The following CCDC34 variants were observed in gnomAD, a reference collection of about 807,000 sequenced individuals.
CCDC34 encodes coiled-coil domain containing 34, also known as coiled-coil domain-containing protein 34.
Under a neutral mutation model 44.1 loss-of-function variants are expected in CCDC34, and 40 were observed. The ratio of observed to expected loss-of-function variants is 0.91; its 90% confidence interval spans 0.70 to 1.18. The LOEUF is 1.18. Ranked by LOEUF, CCDC34 falls within the 50% of genes most tolerant of loss-of-function variation. The pLI is 0.00. For synonymous variants in CCDC34, 159 were observed against 158.2 expected (o/e 1.01, Z -0.04); for missense variants, 466 against 452.3 (o/e 1.03, Z -0.28).
intron 2 of CCDC34, among the ~76,000 whole-genome samples, chr11:27,353,490 A>C (rs1468091023): frequency 1.3e-5 from 2 of 152,062 alleles, no homozygotes; most frequent in Admixed American, 1.3e-4. Context: ...AGTAAATAAA[A>C]ATTAAATGAC....
At position 27,363,176 on chromosome 11, in the gene CCDC34, A is replaced by AG. The variant is rs760892582; in HGVS notation, c.18dup (p.Trp7LeufsTer15). On this transcript the variant is annotated frameshift_variant, in exon 1 of 6. Coordinates refer to ENST00000328697, the MANE Select transcript of CCDC34 (RefSeq NM_030771.2). LOFTEE classifies it high-confidence loss of function. ...TAGGAAGAGGGAAAAGTAGGCCCCC[A>AG]GCGCCCCGCCGCCCACATCTGGCCC... is the stretch of plus-strand genomic sequence containing the variant. 3 of 1,488,738 alleles carry AG rather than the reference A, an allele frequency of 2.0e-6. No individual in the cohort carries two copies. The highest frequency in any genetic ancestry group is 2.7e-6 in the Non-Finnish European group (3 of 1,125,748). 92.2% of individuals were successfully genotyped at this position (1,488,738 alleles called of 1,614,324 possible). A position where few individuals can be genotyped will look rare whatever the true frequency, so the allele number is the denominator to read the frequency against.
chr11:27,352,714 A>T (rs1028930991), intron 2 of CCDC34, among the ~76,000 whole-genome samples: 2 of 152,206 alleles, frequency 1.3e-5, no homozygotes, highest in African/African-American at 2.4e-5. Flanking sequence ...AAACTAAAAA[A>T]TCAGAAAAAA....
intron 1 of CCDC34, among the ~76,000 whole-genome samples, chr11:27,362,448 G>GTAC (rs1472455084): frequency 3.3e-5 from 5 of 152,164 alleles, no homozygotes; most frequent in African/African-American, 4.8e-5. Context: ...CCAACCACAG[G>GTAC]TACTACTAAG....
intron 3 of CCDC34, among the ~76,000 whole-genome samples, chr11:27,343,613 C>G (rs1389935493): frequency 6.6e-6 from 1 of 152,182 alleles, no homozygotes; most frequent in African/African-American, 2.4e-5. Context: ...CTTGCTTAAT[C>G]TCCATGTGAC....
chr11:27,345,486 C>T (rs1382128657), intron 3 of CCDC34, among the ~76,000 whole-genome samples: 2 of 152,106 alleles, frequency 1.3e-5, no homozygotes, highest in Admixed American at 6.5e-5. Flanking sequence ...CTTCCTGTGT[C>T]CATGTGTTCT....
chr11:27,362,772 G>C, intron 1 of CCDC34, 64 bp downstream of exon 1: 2 of 1,535,298 alleles, frequency 1.3e-6, no homozygotes. Flanking sequence ...GTTAGAAGGG[G>C]GTACTTAAGA....
rs780237282 is a variant in CCDC34 at position 27,350,427 on chromosome 11, GTTGAT to G, written c.506_510del (p.Asn169ThrfsTer12). The G allele has an allele frequency of 3.1e-6, 5 of 1,598,524 alleles. No individual in the cohort carries two copies. Among genetic ancestry groups the G allele is most frequent in the South Asian group, 1.1e-5 (1 of 89,050 alleles). On this transcript the variant is annotated frameshift_variant, in exon 3 of 6. Coordinates refer to ENST00000328697, the MANE Select transcript of CCDC34 (RefSeq NM_030771.2). LOFTEE classifies it high-confidence loss of function. ...TCCATTTCTTTTCTTTTTTCTAGTTGTTGATTTAATTCCTGTGGATTTTATTTAGA... is the reference window on the plus strand; with the variant it reads ...TCCATTTCTTTTCTTTTTTCTAGTTGTTAATTCCTGTGGATTTTATTTAGA...
intron 3 of CCDC34, chr11:27,348,753 T>C (rs756378766): frequency 6.1e-5 from 42 of 687,532 alleles, no homozygotes; most frequent in Non-Finnish European, 7.2e-5. Flanking sequence ...TCTTTACAAA[T>C]AGAGGTAAAT....
chr11:27,347,901 A>C (rs1862455525), intron 3 of CCDC34, among the ~76,000 whole-genome samples: 1 of 152,198 alleles, frequency 6.6e-6, no homozygotes, highest in East Asian at 1.9e-4. Context: ...AATAGAATTA[A>C]TTCTGAAAAA....
chr11:27,358,470 C>T (rs1862610768), intron 1 of CCDC34, among the ~76,000 whole-genome samples: 1 of 152,178 alleles, frequency 6.6e-6, no homozygotes, highest in Non-Finnish European at 1.5e-5. Flanking sequence ...AATTGCTTCA[C>T]CCACTGCTTT....
At chr11:27,340,236 T>C (rs145062139) in intron 5 of CCDC34, among the ~76,000 whole-genome samples, 1 of 152,224 alleles carries the variant, frequency 6.6e-6, no homozygotes, top group Non-Finnish European at 1.5e-5. Context: ...CTACCCTTTA[T>C]AATCAGACCA....
chr11:27,341,222 C>A (rs1862352938), intron 4 of CCDC34, among the ~76,000 whole-genome samples, 170 bp downstream of exon 4: 1 of 152,132 alleles, frequency 6.6e-6, no homozygotes, highest in African/African-American at 2.4e-5. Context: ...AAGAAAACTA[C>A]AAATGCATAT....
Position 27,357,439 on chromosome 11 carries a change from T to C in CCDC34, c.462A>G (p.Lys154=), listed in dbSNP as rs200975862. 45 of 1,613,972 alleles carry C rather than the reference T, an allele frequency of 2.8e-5. No homozygotes were observed. The Admixed American group carries it at 7.2e-4, about 26-fold the overall frequency. The change falls in exon 2 of 6, where the codon AAA becomes AAG. Residue 154 remains lysine, a synonymous_variant. Transcript: ENST00000328697. ...PWEVWFIGKE[K]EERDRLQLKA... ...TCAGTTGCAGCCGGTCACGTTCTTCTTTTTCTTTGCCAATAAACCACACCT... is the reference window on the plus strand; with the variant it reads ...TCAGTTGCAGCCGGTCACGTTCTTCCTTTTCTTTGCCAATAAACCACACCT...
In CCDC34 at chr11:27,350,401, T is replaced by C. The variant is rs760675624; in HGVS notation, c.537A>G (p.Glu179=). ...NQQLEKRKEM[E]EREKRKIIAE... is the part of the protein sequence containing the mutation. Reference sequence around the variant, plus strand: ...CAATTATCTTTCTTTTTTCACGTTCTTCCATTTCTTTTCTTTTTTCTAGTT... The same window carrying C: ...CAATTATCTTTCTTTTTTCACGTTCCTCCATTTCTTTTCTTTTTTCTAGTT... Residue 179 remains glutamate, a synonymous_variant, in exon 3 of 6, where the codon GAA becomes GAG. Transcript: ENST00000328697. The C allele has an allele frequency of 2.2e-5, 35 of 1,611,210 alleles. No homozygotes were observed. The East Asian group carries it at 7.8e-4, about 36-fold the overall frequency.
intron 3 of CCDC34, chr11:27,349,472 T>C: frequency 1.2e-6 from 1 of 859,328 alleles, no homozygotes; most frequent in Non-Finnish European, 1.4e-6. Flanking sequence ...AGGCATTAGA[T>C]TCAACAATAA....
chr11:27,350,085 T>C, intron 3 of CCDC34: 3 of 1,354,296 alleles, frequency 2.2e-6, no homozygotes, highest in Non-Finnish European at 2.9e-6. Flanking sequence ...GGCCTAGAAA[T>C]ACAGACTTGG....
chr11:27,355,965 G>C (rs1035352545), intron 2 of CCDC34, among the ~76,000 whole-genome samples: 2 of 140,238 alleles, frequency 1.4e-5, no homozygotes, highest in African/African-American at 5.2e-5. Flanking sequence ...AAAACTAACA[G>C]AAAAGTTATT....
chr11:27,343,944 T>C (rs906648857), intron 3 of CCDC34, among the ~76,000 whole-genome samples: 44 of 152,200 alleles, frequency 2.9e-4, no homozygotes, highest in African/African-American at 1.0e-3. Context: ...AAATTCAATA[T>C]TTTAAATGAA....
intron 3 of CCDC34, among the ~76,000 whole-genome samples, chr11:27,344,229 A>C (rs765853424): frequency 2.0e-5 from 3 of 152,196 alleles, no homozygotes; most frequent in Non-Finnish European, 1.5e-5. Context: ...AGCTCATTTT[A>C]AGAGTCCAGC....
Sources: allele counts gnomAD v4.1 joint callset (sites outside exome capture counted in the v4.1 genomes callset), GRCh38; gene constraint gnomAD v4.1.1; transcripts MANE v1.5; gene names NCBI Gene and HGNC (gene_info 2026-07-23, HGNC 2026-07-21).